The following PGCKA1 variants were observed in gnomAD, a reference collection of about 807,000 sequenced individuals.
The protein encoded by PGCKA1 is PDCD10 and GCKIII kinases-associated protein 1.
At chr4:37,462,725 C>T in the PGCKA1 span, among the ~76,000 whole-genome samples, 76,791 of 151,766 alleles carry the variant, frequency 0.51, 19,604 homozygotes, top group Admixed American at 0.53. Flanking sequence ...AATTCAATTT[C>T]TAAGCCTATT....
At chr4:37,485,868 A>C in the PGCKA1 span, among the ~76,000 whole-genome samples, 1 of 152,162 alleles carries the variant, frequency 6.6e-6, no homozygotes, top group Non-Finnish European at 1.5e-5. Context: ...ATCCATGAAA[A>C]TAGAAGGAAC....
chr4:37,498,303 T>C, the PGCKA1 span, among the ~76,000 whole-genome samples: 1 of 152,234 alleles, frequency 6.6e-6, no homozygotes, highest in Non-Finnish European at 1.5e-5. Context: ...GCTGTTTTGG[T>C]GACTATGGCC....
the PGCKA1 span, among the ~76,000 whole-genome samples, chr4:37,455,278 G>A: frequency 1.3e-5 from 2 of 152,150 alleles, no homozygotes. Context: ...CACCTTACTG[G>A]TCCCAGCTGT....
At chr4:37,589,047 A>T in the PGCKA1 span, 1 of 573,820 alleles carries the variant, frequency 1.7e-6, no homozygotes, top group Non-Finnish European at 3.1e-6. Flanking sequence ...AATTGTTATA[A>T]TATCATTTAA....
chr4:37,465,169 A>T, the PGCKA1 span, among the ~76,000 whole-genome samples: 1 of 151,992 alleles, frequency 6.6e-6, no homozygotes, highest in African/African-American at 2.4e-5. Flanking sequence ...TTGAAAAAAT[A>T]TTACTGTAAA....
chr4:37,453,453 CA>C, the PGCKA1 span, among the ~76,000 whole-genome samples: 4 of 152,018 alleles, frequency 2.6e-5, no homozygotes, highest in African/African-American at 9.7e-5. Context: ...CCATGTAGCT[CA>C]TACAGGGCTG....
chr4:37,521,075 CT>C, the PGCKA1 span, among the ~76,000 whole-genome samples: 1 of 151,874 alleles, frequency 6.6e-6, no homozygotes. Flanking sequence ...CTCCTCTGAT[CT>C]TCATTATTTA....
At chr4:37,591,728 A>G in the PGCKA1 span, 8 of 152,218 alleles carry the variant, frequency 5.3e-5, no homozygotes, top group Admixed American at 1.3e-4. Context: ...TGCTTATGTC[A>G]TATTTGGATT....
chr4:37,568,966 G>A, the PGCKA1 span, among the ~76,000 whole-genome samples: 5 of 151,954 alleles, frequency 3.3e-5, no homozygotes, highest in Admixed American at 1.3e-4. Flanking sequence ...ACACGGTGGC[G>A]TGTGCATGTA....
the PGCKA1 span, among the ~76,000 whole-genome samples, chr4:37,512,993 TAGG>T: frequency 1.3e-5 from 2 of 151,106 alleles, no homozygotes; most frequent in Non-Finnish European, 2.9e-5. Context: ...GAGGCTGAGG[TAGG>T]AGAATCGCTT....
the PGCKA1 span, among the ~76,000 whole-genome samples, chr4:37,579,347 A>G: frequency 6.6e-6 from 1 of 152,336 alleles, no homozygotes; most frequent in East Asian, 1.9e-4. Flanking sequence ...CTGTTTGCTT[A>G]TGATTACCAG....
chr4:37,543,554 C>A, the PGCKA1 span, among the ~76,000 whole-genome samples: 308 of 152,152 alleles, frequency 2.0e-3, 2 homozygotes, highest in African/African-American at 7.1e-3. Context: ...TGAAAGAAGG[C>A]TGCCTGGCTG....
chr4:37,575,448 AT>A, the PGCKA1 span, among the ~76,000 whole-genome samples: 1,167 of 148,808 alleles, frequency 7.8e-3, 12 homozygotes, highest in African/African-American at 0.027. Flanking sequence ...GGATTCTTAG[AT>A]TTTTTTTTTC....
At chr4:37,513,331 A>G in the PGCKA1 span, among the ~76,000 whole-genome samples, 1 of 152,220 alleles carries the variant, frequency 6.6e-6, no homozygotes, top group South Asian at 2.1e-4. Flanking sequence ...CCACAGACTG[A>G]GTGGCTTAAA....
the PGCKA1 span, among the ~76,000 whole-genome samples, chr4:37,542,297 C>T: frequency 2.6e-4 from 39 of 152,292 alleles, no homozygotes; most frequent in South Asian, 4.1e-4. Flanking sequence ...AGCATTTGTC[C>T]CCAACACCTG....
At chr4:37,544,889 C>T in the PGCKA1 span, among the ~76,000 whole-genome samples, 1 of 149,494 alleles carries the variant, frequency 6.7e-6, no homozygotes, top group Non-Finnish European at 1.5e-5. Flanking sequence ...TGGAGTTTTG[C>T]TCTTGTTGCG....
At chr4:37,589,232 C>A in the PGCKA1 span, among the ~76,000 whole-genome samples, 2 of 152,184 alleles carry the variant, frequency 1.3e-5, no homozygotes, top group African/African-American at 4.8e-5. Flanking sequence ...GTCCACATTG[C>A]ATTTCAGAAA....
chr4:37,576,124 C>A, the PGCKA1 span, among the ~76,000 whole-genome samples: 2 of 151,910 alleles, frequency 1.3e-5, no homozygotes, highest in South Asian at 4.1e-4. Flanking sequence ...TTTTCTATTT[C>A]TGTGAAGAAA....
chr4:37,525,819 T>C, the PGCKA1 span, among the ~76,000 whole-genome samples: 66 of 152,276 alleles, frequency 4.3e-4, no homozygotes, highest in African/African-American at 1.6e-3. Context: ...GTAGTGTCTG[T>C]TTTTAGAATT....
Sources: allele counts gnomAD v4.1 joint callset (sites outside exome capture counted in the v4.1 genomes callset), GRCh38; gene constraint gnomAD v4.1.1; transcripts MANE v1.5; gene names NCBI Gene and HGNC (gene_info 2026-07-23, HGNC 2026-07-21).